Variants in SNX29 observed in about 807,000 individuals in gnomAD.
The protein encoded by SNX29 is sorting nexin-29.
In SNX29, 78 loss-of-function variants were observed where a neutral mutation model predicts 102.1. That is an observed-to-expected ratio of 0.76 (90% CI 0.64 to 0.92). The LOEUF (loss-of-function observed/expected upper bound fraction) is 0.92. SNX29 is among the 40% of genes least tolerant of loss of function. The pLI, the probability that SNX29 is intolerant of heterozygous loss-of-function variation, is 0.00. For synonymous variants in SNX29, 580 were observed against 414.5 expected (o/e 1.40, Z -4.85); for missense variants, 1,280 against 1,061.7 (o/e 1.21, Z -2.86).
rs867104895 is a variant in SNX29, at chr16:12,455,585, G to A, written c.2038-22134G>A. ...CCTACCTGTTTCTTCCTCTGTCTTA[G>A]GTGAGACTTTTCTGACTTCCCAGTT... On this transcript the variant is annotated intron_variant, in intron 18 of 20. Coordinates refer to ENST00000566228, the MANE Select transcript of SNX29 (RefSeq NM_032167.5). Among the ~76,000 whole-genome samples the A allele has an allele frequency of 8.5e-5, 13 of 152,324 alleles. 1 individual carries two copies. Among genetic ancestry groups the A allele is most frequent in the African/African-American group, 2.4e-4 (10 of 41,578 alleles).
chr16:12,572,532 G>C lies in SNX29; in HGVS notation c.*3903G>C, dbSNP rs8061734. 1 of 1,063,654 alleles carries C rather than the reference G, an allele frequency of 9.4e-7. No homozygotes were observed. The highest frequency in any genetic ancestry group is 1.1e-6 in the Non-Finnish European group (1 of 878,258). 65.9% of individuals were successfully genotyped at this position (1,063,654 alleles called of 1,614,324 possible). A position where few individuals can be genotyped will look rare whatever the true frequency, so the allele number is the denominator to read the frequency against. On this transcript the variant is annotated 3_prime_UTR_variant, in exon 21 of 21. Coordinates refer to ENST00000566228, the MANE Select transcript of SNX29 (RefSeq NM_032167.5). ...TGCTCCACGTGCTCAAGCCCCCACA[G>C]GGGGCTGCGACACCATCTGGCTCCT... is the stretch of plus-strand genomic sequence containing the variant.
intron 16 of SNX29, among the ~76,000 whole-genome samples, chr16:12,370,115 G>T (rs1235811007): frequency 6.6e-6 from 1 of 151,922 alleles, no homozygotes. Flanking sequence ...CCAGCTACTC[G>T]GGAGGCTGAA....
intron 20 of SNX29, among the ~76,000 whole-genome samples, chr16:12,543,265 A>G (rs540999940): frequency 7.9e-5 from 12 of 152,340 alleles, no homozygotes; most frequent in South Asian, 6.2e-4. Flanking sequence ...GCTCTGGGTC[A>G]TCAGCGCATG....
intron 16 of SNX29, among the ~76,000 whole-genome samples, chr16:12,358,042 T>C (rs549159394): frequency 7.9e-5 from 12 of 152,354 alleles, no homozygotes; most frequent in South Asian, 6.2e-4. Flanking sequence ...TTTTGTGATA[T>C]TAACAGCCAT....
intron 3 of SNX29, among the ~76,000 whole-genome samples, chr16:12,012,410 T>C (rs1327121273): frequency 6.6e-6 from 1 of 152,110 alleles, no homozygotes; most frequent in Admixed American, 6.6e-5. Context: ...ATTTCTTTTG[T>C]TTATTTTTTA....
At chr16:12,363,188 C>T (rs974330568) in intron 16 of SNX29, among the ~76,000 whole-genome samples, 2 of 152,206 alleles carry the variant, frequency 1.3e-5, no homozygotes, top group Non-Finnish European at 2.9e-5. Flanking sequence ...CAGGGGATAC[C>T]CCATTATTGC....
chr16:12,190,822 C>G (rs994518019), intron 13 of SNX29, among the ~76,000 whole-genome samples: 1 of 151,968 alleles, frequency 6.6e-6, no homozygotes, highest in Non-Finnish European at 1.5e-5. Flanking sequence ...GGGGCAGCAG[C>G]CTGGGTAGAA....
chr16:12,476,913 G>A (rs1403274772), intron 18 of SNX29, among the ~76,000 whole-genome samples: 1 of 152,160 alleles, frequency 6.6e-6, no homozygotes, highest in African/African-American at 2.4e-5. Flanking sequence ...CTCATGGAGT[G>A]TAAATTACAA....
At chr16:12,185,907 G>A (rs1596459565) in intron 13 of SNX29, among the ~76,000 whole-genome samples, 1 of 152,184 alleles carries the variant, frequency 6.6e-6, no homozygotes, top group Non-Finnish European at 1.5e-5. Flanking sequence ...GTACCTCCTT[G>A]TTCCCAAATG....
intron 15 of SNX29, among the ~76,000 whole-genome samples, chr16:12,335,259 T>A (rs1034472526): frequency 6.6e-6 from 1 of 151,458 alleles, no homozygotes; most frequent in East Asian, 1.9e-4. Context: ...GGGGGAGGAG[T>A]CATCCAGACT....
intron 18 of SNX29, among the ~76,000 whole-genome samples, chr16:12,404,233 T>G (rs1395858442): frequency 6.6e-6 from 1 of 152,210 alleles, no homozygotes; most frequent in African/African-American, 2.4e-5. Flanking sequence ...CTCTGCTTCC[T>G]TGGGGTACGG....
At chr16:12,566,263 C>T (rs745656583) in intron 20 of SNX29, among the ~76,000 whole-genome samples, 1 of 152,202 alleles carries the variant, frequency 6.6e-6, no homozygotes, top group Non-Finnish European at 1.5e-5. Context: ...AAGGGTCAGA[C>T]AGCACTGCCC....
intron 14 of SNX29, among the ~76,000 whole-genome samples, chr16:12,204,179 C>T (rs2076988195): frequency 6.6e-6 from 1 of 152,180 alleles, no homozygotes; most frequent in Non-Finnish European, 1.5e-5. Context: ...AACTCTGATC[C>T]TGTCTTTAGA....
chr16:12,296,570 A>G (rs989880389), intron 15 of SNX29, among the ~76,000 whole-genome samples: 1 of 152,256 alleles, frequency 6.6e-6, no homozygotes, highest in Non-Finnish European at 1.5e-5. Context: ...AGCCCAAGAC[A>G]ATTTGTAAAC....
chr16:12,025,584 T>A (rs888804559), intron 3 of SNX29, among the ~76,000 whole-genome samples: 5 of 152,124 alleles, frequency 3.3e-5, no homozygotes, highest in Non-Finnish European at 7.3e-5. Context: ...AGTATTAGAT[T>A]TGTGATGCCT....
intron 16 of SNX29, among the ~76,000 whole-genome samples, chr16:12,365,070 G>C (rs976083568): frequency 3.9e-5 from 6 of 152,126 alleles, no homozygotes; most frequent in Admixed American, 3.9e-4. Context: ...CTCACCCAAA[G>C]GCACACAGCT....
chr16:12,241,774 CTT>C (rs992190676), intron 14 of SNX29, among the ~76,000 whole-genome samples: 6 of 152,270 alleles, frequency 3.9e-5, no homozygotes, highest in Middle Eastern at 3.4e-3. Flanking sequence ...CCTGGCCTAT[CTT>C]TGTTTCCCCA....
At chr16:11,986,755 A>G (rs2055644794) in intron 1 of SNX29, among the ~76,000 whole-genome samples, 2 of 152,070 alleles carry the variant, frequency 1.3e-5, no homozygotes, top group Admixed American at 6.6e-5. Flanking sequence ...GATAGTAAAT[A>G]TTTTCTACTT....
chr16:12,124,173 T>C (rs1274237568), intron 11 of SNX29, among the ~76,000 whole-genome samples: 1 of 152,048 alleles, frequency 6.6e-6, no homozygotes, highest in Non-Finnish European at 1.5e-5. Context: ...CTGGCCAACA[T>C]GGTGAAACCC....
Sources: gnomAD v4.1 joint callset for allele counts (sites outside exome capture counted in the v4.1 genomes callset) on GRCh38, gnomAD v4.1.1 for gene constraint, MANE v1.5 for transcripts, NCBI Gene and HGNC (gene_info 2026-07-23, HGNC 2026-07-21) for gene names.